The following TRAPPC9 variants were observed in gnomAD, a reference collection of about 807,000 sequenced individuals.
TRAPPC9 encodes the protein trafficking protein particle complex subunit 9, also known as IKK2 binding protein.
A neutral mutation model predicts 124.0 loss-of-function variants in TRAPPC9; 83 were observed. That is an observed-to-expected ratio of 0.67 (90% confidence interval 0.56 to 0.80). TRAPPC9 has a LOEUF of 0.80. Among genes scored for constraint, TRAPPC9 ranks in the 30% least tolerant of loss-of-function variants. TRAPPC9 has a pLI of 0.00. For synonymous variants in TRAPPC9, 638 were observed against 617.5 expected, an observed-to-expected ratio of 1.03 and a Z score of -0.49; for missense variants, 1,302 against 1,508.3, an observed-to-expected ratio of 0.86 and a Z score of 2.27.
At chr8:140,172,189 C>A (rs148574764) in intron 17 of TRAPPC9, among the ~76,000 whole-genome samples, 68 of 152,266 alleles carry the variant, frequency 4.5e-4, no homozygotes, top group African/African-American at 1.5e-3. Context: ...AAAGCATGAG[C>A]ACCTGTGGAG....
intron 9 of TRAPPC9, among the ~76,000 whole-genome samples, chr8:140,357,132 G>C (rs908313642): frequency 6.6e-6 from 1 of 152,134 alleles, no homozygotes; most frequent in African/African-American, 2.4e-5. Flanking sequence ...CGTAACTGAT[G>C]ACCGACAAGT....
chr8:140,025,040 G>A (rs896201765), intron 17 of TRAPPC9, among the ~76,000 whole-genome samples: 3 of 152,218 alleles, frequency 2.0e-5, no homozygotes, highest in Non-Finnish European at 2.9e-5. Flanking sequence ...AGTGAGAGGC[G>A]AAGAACAGAG....
intron 17 of TRAPPC9, among the ~76,000 whole-genome samples, chr8:140,139,461 C>T (rs7002597): frequency 0.37 from 56,380 of 151,962 alleles, 10,487 homozygotes; most frequent in Middle Eastern, 0.45. Context: ...TGAATACGTG[C>T]ACCAAAAAGA....
intron 18 of TRAPPC9, among the ~76,000 whole-genome samples, chr8:140,023,058 C>G (rs1839913133): frequency 1.3e-5 from 2 of 152,196 alleles, no homozygotes; most frequent in Admixed American, 1.3e-4. Context: ...CCCACCGCCC[C>G]CTTCGAGGAT....
intron 5 of TRAPPC9, among the ~76,000 whole-genome samples, chr8:140,412,079 G>GA (rs1588305530): frequency 6.6e-6 from 1 of 152,136 alleles, no homozygotes; most frequent in African/African-American, 2.4e-5. Context: ...TTTACATCGA[G>GA]AAAAATAGTA....
At chr8:139,958,596 C>T (rs1835150069) in intron 19 of TRAPPC9, among the ~76,000 whole-genome samples, 1 of 152,304 alleles carries the variant, frequency 6.6e-6, no homozygotes, top group Admixed American at 6.5e-5. Context: ...ATAAAAGAGA[C>T]CCACGCTCTT....
chr8:139,829,428 C>T lies in TRAPPC9; in HGVS notation c.3055+56451G>A, dbSNP rs1825834732. The stretch of plus-strand genomic sequence containing the variant: ...GCAGCCTTGTGACCCGTTCCCGTTC[C>T]ACCACCTGACATGGGTCTCCCACAC... On this transcript the variant is annotated intron_variant, in intron 21 of 22. Coordinates refer to ENST00000438773, the MANE Select transcript of TRAPPC9 (RefSeq NM_001160372.4). 3.9e-5 allele frequency among the ~76,000 whole-genome samples: 6 copies of T among 152,390 alleles called. 1 individual carries two copies. The Middle Eastern group carries it at 0.014, about 346-fold the overall frequency.
intron 21 of TRAPPC9, among the ~76,000 whole-genome samples, chr8:139,747,262 A>G (rs1378279394): frequency 6.6e-6 from 1 of 152,118 alleles, no homozygotes; most frequent in Non-Finnish European, 1.5e-5. Context: ...ACCCAGTCTC[A>G]GACTTTCTCA....
chr8:140,143,735 T>G (rs1229191681), intron 17 of TRAPPC9, among the ~76,000 whole-genome samples: 1 of 152,218 alleles, frequency 6.6e-6, no homozygotes, highest in African/African-American at 2.4e-5. Flanking sequence ...CATTTCAAAT[T>G]TTTTCATATG....
intron 17 of TRAPPC9, among the ~76,000 whole-genome samples, chr8:140,156,580 G>A (rs919662777): frequency 3.9e-5 from 6 of 152,230 alleles, no homozygotes; most frequent in African/African-American, 1.2e-4. Flanking sequence ...TCTGCAGCGG[G>A]AGCCTCGGAG....
intron 15 of TRAPPC9, among the ~76,000 whole-genome samples, chr8:140,253,366 A>G (rs1200705000): frequency 6.6e-6 from 1 of 152,012 alleles, no homozygotes; most frequent in African/African-American, 2.4e-5. Flanking sequence ...ACACCTCTTC[A>G]CAAAAAGAGA....
Position 140,287,354 on chromosome 8 carries a change from A to G in TRAPPC9, c.1981+254T>C, listed in dbSNP as rs73366997. Among the ~76,000 whole-genome samples the G allele has an allele frequency of 3.6e-3, 541 of 152,250 alleles. 4 individuals carry two copies. The highest frequency in any genetic ancestry group is 0.012 in the African/African-American group (510 of 41,554). ...GAAGGAAGGCTCACTGGAGGAAGAC[A>G]GCAGAAAGGAGACGAAGCAGAGGGA... On this transcript the variant is annotated intron_variant, in intron 13 of 22. Coordinates refer to ENST00000438773, the MANE Select transcript of TRAPPC9 (RefSeq NM_001160372.4).
intron 21 of TRAPPC9, among the ~76,000 whole-genome samples, chr8:139,841,227 C>T (rs902015526): frequency 6.6e-6 from 1 of 152,234 alleles, no homozygotes; most frequent in South Asian, 2.1e-4. Flanking sequence ...TCCCTCTTCT[C>T]CTCTGAAAGG....
chr8:139,886,516 A>G (rs1045973996), intron 20 of TRAPPC9, among the ~76,000 whole-genome samples: 39 of 152,348 alleles, frequency 2.6e-4, no homozygotes, highest in Admixed American at 1.2e-3. Context: ...AAAAATGTAG[A>G]AAACAGAAAT....
chr8:140,247,878 G>A (rs1053439516), intron 16 of TRAPPC9, among the ~76,000 whole-genome samples: 2 of 151,958 alleles, frequency 1.3e-5, no homozygotes, highest in East Asian at 1.9e-4. Flanking sequence ...ATTCTTTCCT[G>A]AGTTATATCC....
At chr8:139,968,382 C>T (rs1835848244) in intron 19 of TRAPPC9, among the ~76,000 whole-genome samples, 1 of 152,280 alleles carries the variant, frequency 6.6e-6, no homozygotes, top group Admixed American at 6.5e-5. Context: ...GGAGGGGATG[C>T]CCAGTCTGAC....
At chr8:140,211,984 G>C (rs1160852813) in intron 17 of TRAPPC9, among the ~76,000 whole-genome samples, 6 of 152,226 alleles carry the variant, frequency 3.9e-5, no homozygotes, top group African/African-American at 7.2e-5. Context: ...CCTGACTCTG[G>C]GTGTGCCACT....
At chr8:140,061,194 T>C (rs1842588890) in intron 17 of TRAPPC9, among the ~76,000 whole-genome samples, 1 of 152,188 alleles carries the variant, frequency 6.6e-6, no homozygotes, top group Non-Finnish European at 1.5e-5. Flanking sequence ...CAACATTTGG[T>C]TTCACACTGG....
In TRAPPC9 at chr8:139,873,035, G is replaced by A. The variant is rs189168058; in HGVS notation, c.3055+12844C>T. Among the ~76,000 whole-genome samples, 167 of 151,604 alleles carry A rather than the reference G, an allele frequency of 1.1e-3. 1 individual carries two copies. The highest frequency in any genetic ancestry group is 2.5e-3 in the South Asian group (12 of 4,740). ...AAATGGTTGGATGAGTAGATGGATGGATGGGTGGGTGGGCTGGTAGATGGG... is the reference window on the plus strand; with the variant it reads ...AAATGGTTGGATGAGTAGATGGATGAATGGGTGGGTGGGCTGGTAGATGGG... On this transcript the variant is annotated intron_variant, in intron 21 of 22. Transcript: ENST00000438773.
Sources: gnomAD v4.1 joint callset for allele counts (sites outside exome capture counted in the v4.1 genomes callset) on GRCh38, gnomAD v4.1.1 for gene constraint, MANE v1.5 for transcripts, NCBI Gene and HGNC (gene_info 2026-07-23, HGNC 2026-07-21) for gene names.